PTPRD: variants seen among roughly 807,000 people sequenced by gnomAD.
The protein encoded by PTPRD is receptor-type tyrosine-protein phosphatase delta.
PTPRD carries 34 observed loss-of-function variants against 214.5 expected under a neutral mutation model. The observed-to-expected ratio is 0.16, with a 90% CI of 0.12 to 0.21. The LOEUF (loss-of-function observed/expected upper bound fraction) is 0.21, where lower values mean the gene tolerates loss of function less well. PTPRD is among the 10% of genes least tolerant of loss of function. The pLI is 1.00. For synonymous variants in PTPRD, 1,128 were observed against 845.7 expected (o/e 1.33, Z -5.79); for missense variants, 2,545 against 2,398.7 (o/e 1.06, Z -1.27).
intron 2 of PTPRD, among the ~76,000 whole-genome samples, chr9:10,590,340 A>G (rs182603462): frequency 7.2e-5 from 11 of 152,144 alleles, no homozygotes; most frequent in Non-Finnish European, 1.5e-4. Context: ...GGTATAATTT[A>G]TATACAATTA....
chr9:10,137,472 A>G (rs1266183085), intron 3 of PTPRD, among the ~76,000 whole-genome samples: 12 of 58,820 alleles, frequency 2.0e-4, no homozygotes, highest in African/African-American at 8.9e-4. Flanking sequence ...AACACCGCAT[A>G]TTCTCACTCA....
rs1464192858 is a variant in PTPRD at position 9,365,507 on chromosome 9, T to C, written c.-203+31942A>G. ...TGCTTTTCTGCTGAGGATGTTGGCC[T>C]GCTTTCTACCTTTATCTGAGGTAGT... On this transcript the variant is annotated intron_variant, in intron 9 of 45. Transcript: ENST00000381196. Among the ~76,000 whole-genome samples the C allele has an allele frequency of 2.0e-5, 3 of 151,618 alleles. No homozygotes were observed. In the East Asian group the frequency reaches 5.8e-4, roughly 29 times the overall value.
chr9:10,581,437 C>T (rs1012317046), intron 2 of PTPRD, among the ~76,000 whole-genome samples: 1 of 152,180 alleles, frequency 6.6e-6, no homozygotes, highest in African/African-American at 2.4e-5. Flanking sequence ...TTTAAACCTT[C>T]TCTTTCAACA....
At chr9:9,708,885 T>G (rs1184727630) in intron 7 of PTPRD, among the ~76,000 whole-genome samples, 1 of 152,074 alleles carries the variant, frequency 6.6e-6, no homozygotes, top group Non-Finnish European at 1.5e-5. Context: ...TTTAAAATTA[T>G]AATTCTGCAA....
intron 5 of PTPRD, among the ~76,000 whole-genome samples, chr9:9,770,623 G>C (rs1037720389): frequency 6.6e-6 from 1 of 151,950 alleles, no homozygotes; most frequent in Non-Finnish European, 1.5e-5. Flanking sequence ...ATAATACTCA[G>C]AGTACTTAAC....
chr9:9,668,084 T>G (rs950267242), intron 7 of PTPRD, among the ~76,000 whole-genome samples: 3 of 152,250 alleles, frequency 2.0e-5, no homozygotes, highest in African/African-American at 7.2e-5. Context: ...CAAACTCAAC[T>G]GATGGTTTGT....
chr9:10,522,310 C>G (rs1198995662), intron 2 of PTPRD, among the ~76,000 whole-genome samples: 1 of 152,128 alleles, frequency 6.6e-6, no homozygotes, highest in Non-Finnish European at 1.5e-5. Flanking sequence ...ATACACAGCC[C>G]TCAAGTGTGT....
intron 11 of PTPRD, among the ~76,000 whole-genome samples, chr9:8,804,589 C>T (rs893795929): frequency 6.6e-6 from 1 of 152,066 alleles, no homozygotes; most frequent in African/African-American, 2.4e-5. Context: ...CAGAGAGACA[C>T]TCTGTCTCCA....
intron 3 of PTPRD, among the ~76,000 whole-genome samples, chr9:10,233,157 C>G (rs1025890445): frequency 6.6e-6 from 1 of 151,976 alleles, no homozygotes; most frequent in Non-Finnish European, 1.5e-5. Flanking sequence ...AATAGTGTGG[C>G]TACTGTTGGT....
At chr9:9,832,013 T>C (rs1295911444) in intron 5 of PTPRD, among the ~76,000 whole-genome samples, 5 of 151,948 alleles carry the variant, frequency 3.3e-5, no homozygotes, top group African/African-American at 1.2e-4. Flanking sequence ...AAATGTTGAG[T>C]AAATGGAAAT....
intron 3 of PTPRD, among the ~76,000 whole-genome samples, chr9:10,202,763 C>T (rs1236695456): frequency 1.3e-5 from 2 of 148,492 alleles, no homozygotes; most frequent in Admixed American, 1.3e-4. Context: ...TGATCTTTCA[C>T]AAGTGGCCTA....
chr9:10,096,187 T>C (rs192210293), intron 3 of PTPRD, among the ~76,000 whole-genome samples: 12 of 151,794 alleles, frequency 7.9e-5, no homozygotes, highest in Admixed American at 2.6e-4. Context: ...ACTACTAGAA[T>C]TGGGCACTGG....
At chr9:8,875,054 A>G (rs138231678) in intron 11 of PTPRD, among the ~76,000 whole-genome samples, 27 of 152,334 alleles carry the variant, frequency 1.8e-4, no homozygotes, top group Admixed American at 6.5e-5. Context: ...CCATACATGG[A>G]TGCATTAAAG....
At chr9:10,313,549 T>C (rs2096332128) in intron 3 of PTPRD, among the ~76,000 whole-genome samples, 1 of 151,926 alleles carries the variant, frequency 6.6e-6, no homozygotes, top group African/African-American at 2.4e-5. Flanking sequence ...CATATAGCTC[T>C]TAATCAACTT....
intron 35 of PTPRD, among the ~76,000 whole-genome samples, chr9:8,432,456 C>T (rs191142308): frequency 1.3e-5 from 2 of 152,296 alleles, no homozygotes; most frequent in African/African-American, 4.8e-5. Context: ...ATTCTGACCT[C>T]AGGATCAGTG....
At chr9:9,051,977 T>C (rs2099686664) in intron 10 of PTPRD, among the ~76,000 whole-genome samples, 1 of 152,190 alleles carries the variant, frequency 6.6e-6, no homozygotes, top group African/African-American at 2.4e-5. Flanking sequence ...TTTACTTATC[T>C]TCATCCATCT....
At chr9:9,507,588 T>C (rs1214463734) in intron 8 of PTPRD, among the ~76,000 whole-genome samples, 1 of 151,492 alleles carries the variant, frequency 6.6e-6, no homozygotes. Context: ...AGAAAAATTA[T>C]GAATGTTTTA....
chr9:9,377,292 T>A (rs1380267905), intron 9 of PTPRD, among the ~76,000 whole-genome samples: 2 of 152,082 alleles, frequency 1.3e-5, no homozygotes, highest in Non-Finnish European at 2.9e-5. Context: ...TAGTCCTCCA[T>A]GAACAAAAAA....
intron 12 of PTPRD, among the ~76,000 whole-genome samples, chr9:8,641,196 A>G (rs2096568737): frequency 1.3e-5 from 2 of 148,538 alleles, no homozygotes; most frequent in Non-Finnish European, 1.5e-5. Flanking sequence ...GTAAAGCATA[A>G]AACAAGGGTA....
Sources: gnomAD v4.1 joint callset for allele counts (sites outside exome capture counted in the v4.1 genomes callset) on GRCh38, gnomAD v4.1.1 for gene constraint, MANE v1.5 for transcripts, NCBI Gene and HGNC (gene_info 2026-07-23, HGNC 2026-07-21) for gene names.